EFHC1: variants seen among roughly 807,000 people sequenced by gnomAD.
The protein encoded by EFHC1 is EF-hand domain containing 1.
In EFHC1, 53 loss-of-function variants were observed where a neutral mutation model predicts 69.9. The observed-to-expected ratio is 0.76, with a 90% confidence interval of 0.61 to 0.95. The LOEUF (loss-of-function observed/expected upper bound fraction) is 0.95. EFHC1 is among the 40% of genes least tolerant of loss of function. The pLI, the probability that EFHC1 is intolerant of heterozygous loss-of-function variation, is 0.00. For synonymous variants in EFHC1, 256 were observed against 278.4 expected, an observed-to-expected ratio of 0.92 and a Z score of 0.80; for missense variants, 739 against 798.7, an observed-to-expected ratio of 0.93 and a Z score of 0.90.
In EFHC1 at chr6:52,490,128, C is replaced by G; in HGVS notation, c.1641-12C>G. The G allele has an allele frequency of 6.2e-7, 1 of 1,612,958 alleles. No individual in the cohort carries two copies. Among genetic ancestry groups the G allele is most frequent in the Non-Finnish European group, 8.5e-7 (1 of 1,179,218 alleles). ...AATACCATGTGCAGTCATTTCCTTC[C>G]TTTCTCTACAGCAAGCAAACTGAAA... is the stretch of plus-strand genomic sequence containing the variant. On this transcript the variant is annotated splice_polypyrimidine_tract_variant and intron_variant, in intron 9 of 10. Transcript: ENST00000371068.
chr6:52,493,429 A>G lies in EFHC1; in HGVS notation c.*1088A>G. On this transcript the variant is annotated 3_prime_UTR_variant, in exon 11 of 11. Transcript: ENST00000371068. ...TACACACACACGCTTATATGTATAC[A>G]TATAGTATGTATATGTGTATATATA... 1 of 379,122 alleles carries G rather than the reference A, an allele frequency of 2.6e-6. No individual in the cohort carries two copies. Among genetic ancestry groups the G allele is most frequent in the Non-Finnish European group, 5.1e-6 (1 of 194,976 alleles). 23.5% of individuals were successfully genotyped at this position (379,122 alleles called of 1,614,324 possible). A position where few individuals can be genotyped will look rare whatever the true frequency, so the allele number is the denominator to read the frequency against.
intron 5 of EFHC1, among the ~76,000 whole-genome samples, 194 bp downstream of exon 5, chr6:52,454,481 G>A (rs1484909759): frequency 6.6e-6 from 1 of 152,024 alleles, no homozygotes; most frequent in Non-Finnish European, 1.5e-5. Flanking sequence ...AAGACAGTCT[G>A]GTACCCAGGT....
chr6:52,456,022 AG>A (rs1204411526), intron 5 of EFHC1, among the ~76,000 whole-genome samples: 4 of 152,242 alleles, frequency 2.6e-5, no homozygotes, highest in Non-Finnish European at 5.9e-5. Flanking sequence ...TAGTACACGT[AG>A]GACACATTCA....
chr6:52,448,493 G>C (rs1764839744), intron 3 of EFHC1, among the ~76,000 whole-genome samples: 1 of 152,170 alleles, frequency 6.6e-6, no homozygotes, highest in East Asian at 1.9e-4. Flanking sequence ...TGCTAGGAAA[G>C]GGAATTCCCC....
intron 7 of EFHC1, among the ~76,000 whole-genome samples, chr6:52,478,118 C>T (rs1765583372): frequency 6.6e-6 from 1 of 152,148 alleles, no homozygotes; most frequent in Non-Finnish European, 1.5e-5. Flanking sequence ...AGTTCATGTC[C>T]TTTGTAGGGA....
chr6:52,436,293 A>T, intron 2 of EFHC1, among the ~76,000 whole-genome samples: 1 of 151,912 alleles, frequency 6.6e-6, no homozygotes, highest in Non-Finnish European at 1.5e-5. Context: ...GGCCTTCATT[A>T]TATTCACATT....
chr6:52,478,904 GA>G, intron 7 of EFHC1, 132 bp from the exon 8 acceptor site: 1 of 832,134 alleles, frequency 1.2e-6, no homozygotes, highest in Non-Finnish European at 1.9e-6. Flanking sequence ...TTTCCCCATA[GA>G]TGGTTTGTTT....
At chr6:52,492,064 A>G (rs1765915485) in intron 10 of EFHC1, among the ~76,000 whole-genome samples, 1 of 152,062 alleles carries the variant, frequency 6.6e-6, no homozygotes, top group Non-Finnish European at 1.5e-5. Context: ...TACTCCATCC[A>G]GCTTTGGTTT....
chr6:52,482,441 T>C (rs1765700801), intron 9 of EFHC1: 1 of 187,968 alleles, frequency 5.3e-6, no homozygotes, highest in Non-Finnish European at 1.1e-5. Flanking sequence ...TAGCACATTG[T>C]AATTTAAAAC....
intron 3 of EFHC1, among the ~76,000 whole-genome samples, chr6:52,451,281 C>T (rs1581828624): frequency 6.6e-6 from 1 of 152,122 alleles, no homozygotes; most frequent in African/African-American, 2.4e-5. Flanking sequence ...ATGGCCTTTT[C>T]TTTCCATATT....
chr6:52,475,567 C>T (rs148617909), intron 7 of EFHC1, among the ~76,000 whole-genome samples: 74 of 152,256 alleles, frequency 4.9e-4, no homozygotes, highest in African/African-American at 1.5e-3. Context: ...CCAAGAGATA[C>T]GCAAGACAGT....
chr6:52,493,714 G>A lies in EFHC1; in HGVS notation c.*1373G>A. On this transcript the variant is annotated 3_prime_UTR_variant, in exon 11 of 11. Transcript: ENST00000371068. ...GAGAGCCTGGCCTTGAGAGAGGAAGGAAAGACTAGTTGCAGTTACTATTCT... is the reference window on the plus strand; with the variant it reads ...GAGAGCCTGGCCTTGAGAGAGGAAGAAAAGACTAGTTGCAGTTACTATTCT... 2 of 453,922 alleles carry A rather than the reference G, an allele frequency of 4.4e-6. No individual in the cohort carries two copies. Among genetic ancestry groups the A allele is most frequent in the Non-Finnish European group, 8.8e-6 (2 of 226,748 alleles). The allele number at this position is 453,922 out of a possible 1,614,324, so 28.1% of individuals were successfully genotyped here.
chr6:52,495,685 C>T lies in EFHC1; in HGVS notation c.*3344C>T, dbSNP rs1766039411. 4.6e-6 allele frequency: 2 copies of T among 432,180 alleles called. No homozygotes were observed. Among genetic ancestry groups the T allele is most frequent in the African/African-American group, 4.1e-5 (2 of 49,272 alleles). The allele number at this position is 432,180 out of a possible 1,614,324, so 26.8% of individuals were successfully genotyped here. A position where few individuals can be genotyped will look rare whatever the true frequency, so the allele number is the denominator to read the frequency against. ...CTCACTGCAGCCTCAAACTCCTGGG[C>T]TCATGCAATCCTCCTGCCTCAGCCT... is the stretch of plus-strand genomic sequence containing the variant. On this transcript the variant is annotated 3_prime_UTR_variant, in exon 11 of 11. Coordinates refer to ENST00000371068, the MANE Select transcript of EFHC1 (RefSeq NM_018100.4).
rs1412835293 is a variant in EFHC1, at chr6:52,493,440, A to G, written c.*1099A>G. Reference sequence around the variant, plus strand: ...GCTTATATGTATACATATAGTATGTATATGTGTATATATATTATGTATATA... The same window carrying G: ...GCTTATATGTATACATATAGTATGTGTATGTGTATATATATTATGTATATA... On this transcript the variant is annotated 3_prime_UTR_variant, in exon 11 of 11. Transcript: ENST00000371068. The G allele has an allele frequency of 5.2e-6, 2 of 388,234 alleles. No individual in the cohort carries two copies. The highest frequency in any genetic ancestry group is 1.0e-5 in the Non-Finnish European group (2 of 200,910). 24.0% of individuals were successfully genotyped at this position (388,234 alleles called of 1,614,324 possible). A position where few individuals can be genotyped will look rare whatever the true frequency, so the allele number is the denominator to read the frequency against.
chr6:52,423,481 T>C (rs1408830422), intron 1 of EFHC1, among the ~76,000 whole-genome samples: 9 of 152,058 alleles, frequency 5.9e-5, no homozygotes, highest in Admixed American at 3.3e-4. Flanking sequence ...AAATACAGAA[T>C]CTTTTAATGT....
rs1205330696 is a variant in EFHC1 at position 52,493,027 on chromosome 6, T to G, written c.*686T>G. 6.6e-6 allele frequency: 3 copies of G among 453,888 alleles called. No homozygotes were observed. Among genetic ancestry groups the G allele is most frequent in the African/African-American group, 2.0e-5 (1 of 49,966 alleles). The allele number at this position is 453,888 out of a possible 1,614,324, so 28.1% of individuals were successfully genotyped here. On this transcript the variant is annotated 3_prime_UTR_variant, in exon 11 of 11. Transcript: ENST00000371068. ...TAGTCCTCCCTAATGTGGGTGGGCC[T>G]CCTCCAATCATTTGAAGACATGAGT... is the stretch of plus-strand genomic sequence containing the variant.
chr6:52,462,995 A>T (rs1337740003), intron 5 of EFHC1, among the ~76,000 whole-genome samples: 1 of 151,466 alleles, frequency 6.6e-6, no homozygotes, highest in Admixed American at 6.6e-5. Flanking sequence ...AAATGAGTAA[A>T]GTTTTTTTTG....
intron 3 of EFHC1, among the ~76,000 whole-genome samples, chr6:52,439,111 T>C (rs563180773): frequency 1.3e-5 from 2 of 152,266 alleles, no homozygotes; most frequent in African/African-American, 4.8e-5. Flanking sequence ...CTTCTATATG[T>C]AAAAAGTCCT....
chr6:52,434,925 C>T (rs971932065), intron 2 of EFHC1, among the ~76,000 whole-genome samples: 4 of 150,806 alleles, frequency 2.7e-5, no homozygotes, highest in Admixed American at 2.0e-4. Context: ...ATAACAAGAC[C>T]ATATATATAT....
Sources: gnomAD v4.1 joint callset for allele counts (sites outside exome capture counted in the v4.1 genomes callset) on GRCh38, gnomAD v4.1.1 for gene constraint, MANE v1.5 for transcripts, NCBI Gene and HGNC (gene_info 2026-07-23, HGNC 2026-07-21) for gene names.